Variants in ZNF609 observed in about 807,000 individuals in gnomAD.
ZNF609 encodes the protein zinc finger protein 609.
A neutral mutation model predicts 109.5 loss-of-function variants in ZNF609; 11 were observed. The observed-to-expected ratio is 0.10, with a 90% confidence interval of 0.06 to 0.17. The LOEUF (loss-of-function observed/expected upper bound fraction) is 0.17, where lower values mean the gene tolerates loss of function less well. Among genes scored for constraint, ZNF609 ranks in the 10% least tolerant of loss-of-function variants. ZNF609 has a pLI of 1.00. For missense variants in ZNF609, 1,559 were observed against 1,772.4 expected (o/e 0.88, Z 2.16); for synonymous variants, 646 against 662.0 (o/e 0.98, Z 0.37).
intron 4 of ZNF609, 46 bp downstream of exon 4, chr15:64,670,479 A>C: frequency 6.7e-7 from 1 of 1,493,068 alleles, no homozygotes; most frequent in African/African-American, 1.4e-5. Flanking sequence ...GAACCACACT[A>C]ATTGGTGATC....
At chr15:64,579,483 G>C (rs772591579) in intron 2 of ZNF609, among the ~76,000 whole-genome samples, 1 of 151,878 alleles carries the variant, frequency 6.6e-6, no homozygotes, top group South Asian at 2.1e-4. Flanking sequence ...GGCCTAGGCA[G>C]GTGGATCATT....
chr15:64,488,657 A>G (rs1038451865), intron 1 of ZNF609, among the ~76,000 whole-genome samples: 2 of 152,184 alleles, frequency 1.3e-5, no homozygotes, highest in Non-Finnish European at 2.9e-5. Flanking sequence ...GATTTACTCT[A>G]GGGCTTCTTG....
chr15:64,592,442 G>C (rs1595730944), intron 2 of ZNF609, among the ~76,000 whole-genome samples: 1 of 152,070 alleles, frequency 6.6e-6, no homozygotes, highest in East Asian at 1.9e-4. Context: ...GCCAGCTCTG[G>C]TGGCAGGTGC....
At chr15:64,649,301 G>A (rs1236151405) in intron 3 of ZNF609, among the ~76,000 whole-genome samples, 1 of 151,854 alleles carries the variant, frequency 6.6e-6, no homozygotes, top group African/African-American at 2.4e-5. Context: ...TGTCAGTTAG[G>A]CTTACTAACG....
intron 2 of ZNF609, among the ~76,000 whole-genome samples, chr15:64,538,975 C>T (rs1209901285): frequency 6.6e-6 from 1 of 152,060 alleles, no homozygotes; most frequent in Non-Finnish European, 1.5e-5. Context: ...GCTGGGGCTA[C>T]ATGCATGCAC....
At chr15:64,592,311 T>G (rs1895312413) in intron 2 of ZNF609, among the ~76,000 whole-genome samples, 2 of 152,216 alleles carry the variant, frequency 1.3e-5, no homozygotes, top group African/African-American at 2.4e-5. Context: ...GCATGGTGGC[T>G]CACGCCTATA....
intron 2 of ZNF609, among the ~76,000 whole-genome samples, chr15:64,537,566 G>GA (rs1055443249): frequency 1.3e-5 from 2 of 149,700 alleles, no homozygotes; most frequent in Non-Finnish European, 3.0e-5. Flanking sequence ...AAAGAAAAAA[G>GA]AAAAAAAATA....
intron 2 of ZNF609, among the ~76,000 whole-genome samples, chr15:64,576,793 A>C (rs1274284049): frequency 7.1e-6 from 1 of 141,556 alleles, no homozygotes; most frequent in African/African-American, 2.7e-5. Flanking sequence ...ACTGCACTCC[A>C]GCCTGGGAGA....
At chr15:64,618,059 T>C (rs2593699) in intron 2 of ZNF609, among the ~76,000 whole-genome samples, 149,765 of 152,304 alleles carry the variant, frequency 0.98, 73,676 homozygotes, top group East Asian at 1. Context: ...TGGCCCCAAT[T>C]TCCTGACAAT....
intron 2 of ZNF609, among the ~76,000 whole-genome samples, chr15:64,588,680 G>A (rs1238586135): frequency 3.5e-5 from 5 of 144,898 alleles, no homozygotes; most frequent in Admixed American, 1.4e-4. Flanking sequence ...ATGGAGTTTC[G>A]CCCTTGTTGC....
intron 2 of ZNF609, among the ~76,000 whole-genome samples, chr15:64,594,649 A>C (rs1033025831): frequency 3.3e-5 from 5 of 151,966 alleles, no homozygotes; most frequent in African/African-American, 9.7e-5. Context: ...CAAAATGTAA[A>C]GATTTTGAGG....
At chr15:64,617,782 A>G (rs1895821799) in intron 2 of ZNF609, among the ~76,000 whole-genome samples, 1 of 152,204 alleles carries the variant, frequency 6.6e-6, no homozygotes, top group South Asian at 2.1e-4. Flanking sequence ...CTCCATCTCA[A>G]AAAACAAACA....
At chr15:64,641,688 T>TA (rs11445718) in intron 3 of ZNF609, among the ~76,000 whole-genome samples, 7,024 of 152,228 alleles carry the variant, frequency 0.046, 540 homozygotes, top group African/African-American at 0.16. Flanking sequence ...TGGGAGTTTT[T>TA]AAAATCCCAG....
intron 2 of ZNF609, among the ~76,000 whole-genome samples, chr15:64,573,341 A>ATTTT (rs1894890894): frequency 1.1e-4 from 8 of 73,492 alleles, no homozygotes; most frequent in Admixed American, 1.8e-4. Context: ...TAGTGGCCCA[A>ATTTT]CTTTCTTTTT....
chr15:64,565,247 T>TTATTATTATTATTATTATTAC (rs1460948922), intron 2 of ZNF609, among the ~76,000 whole-genome samples: 1 of 147,122 alleles, frequency 6.8e-6, no homozygotes, highest in African/African-American at 2.5e-5. Context: ...ATTATTATTA[T>TTATTATTATTATTATTATTAC]TATTACTATT....
At chr15:64,503,815 A>G (rs1316586013) in intron 2 of ZNF609, among the ~76,000 whole-genome samples, 1 of 152,152 alleles carries the variant, frequency 6.6e-6, no homozygotes, top group Non-Finnish European at 1.5e-5. Flanking sequence ...CACTTCCCCC[A>G]TTAGTTTAGG....
In ZNF609 at chr15:64,685,167, A is replaced by G. The variant is rs978129903; in HGVS notation, c.*3481A>G. 6.7e-6 allele frequency: 1 copy of G among 149,702 alleles called. No homozygotes were observed. Among genetic ancestry groups the G allele is most frequent in the Non-Finnish European group, 1.5e-5 (1 of 67,400 alleles). The allele number at this position is 149,702 out of a possible 1,614,324, so 9.3% of individuals were successfully genotyped here. A position where few individuals can be genotyped will look rare whatever the true frequency, so the allele number is the denominator to read the frequency against. The stretch of plus-strand genomic sequence containing the variant: ...ACATTACCAAGTTCCTTGTTTTTTT[A>G]TATATATATATAAATATATATATAT... On this transcript the variant is annotated 3_prime_UTR_variant, in exon 10 of 10. Transcript: ENST00000326648.
At chr15:64,632,474 A>T (rs541055546) in intron 3 of ZNF609, among the ~76,000 whole-genome samples, 1 of 151,628 alleles carries the variant, frequency 6.6e-6, no homozygotes, top group African/African-American at 2.4e-5. Context: ...TGTTGTTTTT[A>T]TTTTATTTTT....
At chr15:64,522,545 C>G (rs928754412) in intron 2 of ZNF609, among the ~76,000 whole-genome samples, 1 of 152,200 alleles carries the variant, frequency 6.6e-6, no homozygotes, top group African/African-American at 2.4e-5. Flanking sequence ...TAACTTATCT[C>G]AAACCAATTT....
Sources: allele counts gnomAD v4.1 joint callset (sites outside exome capture counted in the v4.1 genomes callset), GRCh38; gene constraint gnomAD v4.1.1; transcripts MANE v1.5; gene names NCBI Gene and HGNC (gene_info 2026-07-23, HGNC 2026-07-21).